The following SLC12A6 variants were observed in gnomAD, a reference collection of about 807,000 sequenced individuals.
SLC12A6 encodes solute carrier family 12 member 6.
A neutral mutation model predicts 135.3 loss-of-function variants in SLC12A6; 66 were observed. That is an observed-to-expected ratio of 0.49 (90% CI 0.40 to 0.60). The LOEUF (loss-of-function observed/expected upper bound fraction) is 0.60, where lower values mean the gene tolerates loss of function less well. Ranked by LOEUF, SLC12A6 falls within the 20% of genes least tolerant of loss-of-function variation. SLC12A6 has a pLI of 0.00. For missense variants in SLC12A6, 1,058 were observed against 1,452.3 expected, an observed-to-expected ratio of 0.73 and a Z score of 4.41; for synonymous variants, 513 against 508.8, an observed-to-expected ratio of 1.01 and a Z score of -0.11.
chr15:34,257,274 C>T (rs1046291557), intron 6 of SLC12A6, among the ~76,000 whole-genome samples: 5 of 152,196 alleles, frequency 3.3e-5, no homozygotes, highest in Admixed American at 3.3e-4. Context: ...AATAACCTGT[C>T]TTGTTTCTCA....
Position 34,245,409 on chromosome 15 carries a change from C to T in SLC12A6, c.1825-6G>A, listed in dbSNP as rs372220263. ...GCTTTGCTGTGGCCAAAAACCTGTACACAGAAGGGAAATATCAGGCACAGG... is the reference window on the plus strand; with the variant it reads ...GCTTTGCTGTGGCCAAAAACCTGTATACAGAAGGGAAATATCAGGCACAGG... On this transcript the variant is annotated splice_polypyrimidine_tract_variant and splice_region_variant and intron_variant, in intron 14 of 25. Coordinates refer to ENST00000354181, the MANE Select transcript of SLC12A6 (RefSeq NM_001365088.1). 2 of 1,501,696 alleles carry T rather than the reference C, an allele frequency of 1.3e-6. No individual in the cohort carries two copies. The highest frequency in any genetic ancestry group is 1.7e-4 in the Middle Eastern group (1 of 5,888). The allele number at this position is 1,501,696 out of a possible 1,614,324, so 93.0% of individuals were successfully genotyped here. A position where few individuals can be genotyped will look rare whatever the true frequency, so the allele number is the denominator to read the frequency against.
chr15:34,321,107 C>T (rs1340683412), intron 2 of SLC12A6, among the ~76,000 whole-genome samples: 1 of 152,068 alleles, frequency 6.6e-6, no homozygotes, highest in Non-Finnish European at 1.5e-5. Flanking sequence ...CCCAAAGTCA[C>T]CATTGTAAGT....
At chr15:34,234,866 G>T (rs533913154) in intron 25 of SLC12A6, among the ~76,000 whole-genome samples, 5 of 152,172 alleles carry the variant, frequency 3.3e-5, no homozygotes, top group Non-Finnish European at 5.9e-5. Context: ...TTTGCAAAGC[G>T]GGTAGAACCT....
intron 2 of SLC12A6, among the ~76,000 whole-genome samples, chr15:34,298,183 C>T (rs1456376027): frequency 7.5e-6 from 1 of 133,540 alleles, no homozygotes; most frequent in Non-Finnish European, 1.5e-5. Flanking sequence ...CTGTGGGACT[C>T]AAGAAGGAAA....
Position 34,229,816 on chromosome 15 carries a change from T to A in SLC12A6, c.*4065A>T, listed in dbSNP as rs201082530. On this transcript the variant is annotated 3_prime_UTR_variant, in exon 26 of 26. Coordinates refer to ENST00000354181, the MANE Select transcript of SLC12A6 (RefSeq NM_001365088.1). Reference sequence around the variant, plus strand: ...ATGAGAAAGCAGCGCCTGGTCCCTATGTATTTGGGTCTTATTTACATCCTT... The same window carrying A: ...ATGAGAAAGCAGCGCCTGGTCCCTAAGTATTTGGGTCTTATTTACATCCTT... 5.6e-6 allele frequency: 9 copies of A among 1,610,296 alleles called. No homozygotes were observed. Among genetic ancestry groups the A allele is most frequent in the Non-Finnish European group, 7.6e-6 (9 of 1,176,616 alleles).
chr15:34,254,286 A>G, intron 9 of SLC12A6, 62 bp downstream of exon 9: 1 of 1,492,102 alleles, frequency 6.7e-7, no homozygotes, highest in Middle Eastern at 1.8e-4. Flanking sequence ...AAATTATCAC[A>G]CCACCAGATA....
rs1027188572 is a variant in SLC12A6, at chr15:34,337,383, T to G, written c.-124A>C. On this transcript the variant is annotated 5_prime_UTR_variant, in exon 1 of 26. Transcript: ENST00000354181. The stretch of plus-strand genomic sequence containing the variant: ...AGGATGCAGGGGCAGAGCGGATTCC[T>G]GTCTCCGAGAGGTCGGTGGGGGTGG... 6.5e-6 allele frequency: 1 copy of G among 153,908 alleles called. No individual in the cohort carries two copies. The highest frequency in any genetic ancestry group is 1.9e-4 in the East Asian group (1 of 5,210). 9.5% of individuals were successfully genotyped at this position (153,908 alleles called of 1,614,324 possible).
intron 2 of SLC12A6, among the ~76,000 whole-genome samples, chr15:34,325,634 T>A (rs762858542): frequency 6.6e-6 from 1 of 152,152 alleles, no homozygotes; most frequent in Non-Finnish European, 1.5e-5. Context: ...TATATATTTA[T>A]AAATATATAA....
chr15:34,298,078 A>G (rs994598691), intron 2 of SLC12A6, among the ~76,000 whole-genome samples: 3 of 152,188 alleles, frequency 2.0e-5, no homozygotes, highest in Non-Finnish European at 1.5e-5. Flanking sequence ...GGCACTATGG[A>G]TATCAAAAAC....
chr15:34,336,286 G>A, intron 2 of SLC12A6, 124 bp downstream of exon 2: 8 of 807,958 alleles, frequency 9.9e-6, no homozygotes, highest in Middle Eastern at 3.4e-4. Flanking sequence ...ACAAAGAGAT[G>A]CCTTGGTTCC....
intron 9 of SLC12A6, among the ~76,000 whole-genome samples, chr15:34,253,663 C>G (rs74773295): frequency 1.3e-5 from 2 of 152,126 alleles, no homozygotes; most frequent in Non-Finnish European, 2.9e-5. Context: ...AACATAGAAC[C>G]GATGAGTTTG....
At chr15:34,334,857 G>T (rs184268970) in intron 2 of SLC12A6, among the ~76,000 whole-genome samples, 3 of 152,256 alleles carry the variant, frequency 2.0e-5, no homozygotes, top group African/African-American at 7.2e-5. Flanking sequence ...GAATGCTTAA[G>T]GGTAACGTAA....
intron 2 of SLC12A6, among the ~76,000 whole-genome samples, chr15:34,308,954 G>C (rs1046594090): frequency 6.6e-6 from 1 of 152,128 alleles, no homozygotes; most frequent in African/African-American, 2.4e-5. Context: ...GAGCTACACA[G>C]CCCTTATTTT....
chr15:34,279,056 CCTGTAA>C (rs1894491167), intron 2 of SLC12A6, among the ~76,000 whole-genome samples: 1 of 151,854 alleles, frequency 6.6e-6, no homozygotes, highest in Non-Finnish European at 1.5e-5. Flanking sequence ...GTGGCTCACA[CCTGTAA>C]TCCCAGCACT....
rs1016102519 is a variant in SLC12A6, at chr15:34,229,790, C to T, written c.*4091G>A. 3 of 1,610,342 alleles carry T rather than the reference C, an allele frequency of 1.9e-6. No individual in the cohort carries two copies. The highest frequency in any genetic ancestry group is 2.5e-6 in the Non-Finnish European group (3 of 1,178,058). ...AGTGGTGGAGGACTGCTTTTGTGAA[C>T]ATGAGAAAGCAGCGCCTGGTCCCTA... On this transcript the variant is annotated 3_prime_UTR_variant, in exon 26 of 26. Transcript: ENST00000354181.
chr15:34,262,529 C>T (rs1893215844), intron 3 of SLC12A6, among the ~76,000 whole-genome samples: 1 of 152,166 alleles, frequency 6.6e-6, no homozygotes, highest in Admixed American at 6.5e-5. Flanking sequence ...CACGCTCTGC[C>T]AGTGGAGGGC....
chr15:34,285,386 G>A (rs1566839280), intron 2 of SLC12A6, among the ~76,000 whole-genome samples: 1 of 152,052 alleles, frequency 6.6e-6, no homozygotes, highest in Non-Finnish European at 1.5e-5. Flanking sequence ...GGGTGGGAGA[G>A]AAAGAAAAGA....
intron 2 of SLC12A6, among the ~76,000 whole-genome samples, chr15:34,321,334 G>A (rs1889076912): frequency 6.6e-6 from 1 of 152,206 alleles, no homozygotes; most frequent in Non-Finnish European, 1.5e-5. Context: ...AGAAAAAGCT[G>A]AGAGAAAACT....
intron 2 of SLC12A6, among the ~76,000 whole-genome samples, chr15:34,282,161 A>T (rs546665451): frequency 6.6e-6 from 1 of 152,314 alleles, no homozygotes; most frequent in South Asian, 2.1e-4. Context: ...GCATAAGTAC[A>T]CATTCCTTAG....
Sources: gnomAD v4.1 joint callset for allele counts (sites outside exome capture counted in the v4.1 genomes callset) on GRCh38, gnomAD v4.1.1 for gene constraint, MANE v1.5 for transcripts, NCBI Gene and HGNC (gene_info 2026-07-23, HGNC 2026-07-21) for gene names.